Variants in TBCK observed in about 807,000 individuals in gnomAD.
TBCK encodes the protein TBC1 domain containing kinase, also known as TBC domain-containing protein kinase-like protein.
A neutral mutation model predicts 113.4 loss-of-function variants in TBCK; 99 were observed. That is an observed-to-expected ratio of 0.87 (90% CI 0.74 to 1.03). TBCK has a LOEUF of 1.03. TBCK is among the 50% of genes least tolerant of loss of function. The pLI, the probability that TBCK is intolerant of heterozygous loss-of-function variation, is 0.00. For missense variants in TBCK, 1,045 were observed against 1,061.3 expected (o/e 0.98, Z 0.21); for synonymous variants, 369 against 370.8 (o/e 1.00, Z 0.05).
At chr4:106,151,860 T>C (rs1748532651) in intron 23 of TBCK, among the ~76,000 whole-genome samples, 2 of 152,044 alleles carry the variant, frequency 1.3e-5, no homozygotes, top group African/African-American at 4.8e-5. Context: ...TAAGTGGGAT[T>C]ACTTTCCTGG....
intron 24 of TBCK, among the ~76,000 whole-genome samples, chr4:106,108,471 T>G (rs2084418065): frequency 6.6e-6 from 1 of 152,136 alleles, no homozygotes; most frequent in South Asian, 2.1e-4. Context: ...AATCAATAAA[T>G]GTGATTCATT....
intron 10 of TBCK, among the ~76,000 whole-genome samples, chr4:106,246,672 G>A (rs1289955868): frequency 6.6e-6 from 1 of 152,028 alleles, no homozygotes; most frequent in African/African-American, 2.4e-5. Context: ...ACTAATCACA[G>A]GATTGACTAC....
rs147518767 is a variant in TBCK at position 106,054,621 on chromosome 4, T to C, written c.2572-7941A>G. ...GACAGTAGGAACTTAATTTTACTTG[T>C]TACTGTTTCTCCAATGCCTAGAACA... On this transcript the variant is annotated intron_variant, in intron 25 of 25. Transcript: ENST00000394708. Among the ~76,000 whole-genome samples the C allele has an allele frequency of 3.3e-5, 5 of 151,888 alleles. No homozygotes were observed. In the East Asian group the frequency reaches 9.7e-4, roughly 29 times the overall value.
intron 25 of TBCK, among the ~76,000 whole-genome samples, chr4:106,055,110 G>C (rs1316501540): frequency 2.6e-5 from 4 of 151,622 alleles, no homozygotes; most frequent in Non-Finnish European, 5.9e-5. Flanking sequence ...GAAGTAGATA[G>C]AAGAGTTTAG....
At chr4:106,245,175 C>G (rs1760658030) in intron 10 of TBCK, among the ~76,000 whole-genome samples, 1 of 152,098 alleles carries the variant, frequency 6.6e-6, no homozygotes, top group Non-Finnish European at 1.5e-5. Context: ...TTAAAAACTC[C>G]AGAGGGAACC....
chr4:106,262,138 T>C lies in TBCK; in HGVS notation c.341A>G (p.His114Arg). 1 of 1,547,536 alleles carries C rather than the reference T, an allele frequency of 6.5e-7. No homozygotes were observed. The highest frequency in any genetic ancestry group is 1.2e-5 in the South Asian group (1 of 83,614). ...LQYMNKHGIV[H>R]RALSPHNILL... ...GATATTATGAGGAGACAATGCCCTGTGTACTATACCATGTTTGTTCATATA... is the reference window on the plus strand; with the variant it reads ...GATATTATGAGGAGACAATGCCCTGCGTACTATACCATGTTTGTTCATATA... Residue 114 changes from histidine to arginine, a missense_variant, in exon 4 of 26, where the codon CAC becomes CGC. His to Arg is a conservative substitution (Grantham distance 29). Coordinates refer to ENST00000394708, the MANE Select transcript of TBCK (RefSeq NM_001163435.3).
chr4:106,235,210 C>G (rs1759308448), intron 15 of TBCK, 59 bp downstream of exon 15: 5 of 1,101,012 alleles, frequency 4.5e-6, no homozygotes, highest in Non-Finnish European at 6.4e-6. Context: ...AAAGCACTCT[C>G]CTTCTCCATC....
At chr4:106,295,213 T>G in intron 2 of TBCK, 47 bp from the exon 3 acceptor site, 3 of 1,555,706 alleles carry the variant, frequency 1.9e-6, no homozygotes, top group Non-Finnish European at 2.6e-6. Flanking sequence ...CAATACAACA[T>G]GTTAAAAACA....
chr4:106,064,037 C>T (rs571280696), intron 25 of TBCK, among the ~76,000 whole-genome samples: 1 of 151,896 alleles, frequency 6.6e-6, no homozygotes, highest in Non-Finnish European at 1.5e-5. Context: ...GTTAAGGAAT[C>T]CAGGAAGTAA....
chr4:106,208,887 C>T lies in TBCK; in HGVS notation c.1860+3863G>A, dbSNP rs149453658. 7.7e-4 allele frequency among the ~76,000 whole-genome samples: 118 copies of T among 152,292 alleles called. 1 individual carries two copies. In the East Asian group the frequency reaches 0.02, roughly 25 times the overall value. ...GCCCACCTCTGTTCAAGTGTCACAG[C>T]ATTCCCCTCATCCAGACGCCGGCTC... On this transcript the variant is annotated intron_variant, in intron 20 of 25. Transcript: ENST00000394708.
intron 17 of TBCK, 87 bp downstream of exon 17, chr4:106,232,851 A>G (rs1759018415): frequency 7.7e-7 from 1 of 1,294,670 alleles, no homozygotes; most frequent in South Asian, 1.5e-5. Flanking sequence ...AAAGACAAGG[A>G]TGTTTAGATA....
intron 8 of TBCK, among the ~76,000 whole-genome samples, chr4:106,248,693 G>A (rs1433117112): frequency 6.6e-6 from 1 of 152,164 alleles, no homozygotes; most frequent in South Asian, 2.1e-4. Flanking sequence ...ATAAAGGTGA[G>A]ACCTCACATA....
chr4:106,313,258 CCTGGT>C (rs1768384359), intron 1 of TBCK, among the ~76,000 whole-genome samples: 1 of 151,954 alleles, frequency 6.6e-6, no homozygotes, highest in Non-Finnish European at 1.5e-5. Context: ...CAGAAGAGAG[CCTGGT>C]GCAGTGGCTT....
intron 23 of TBCK, among the ~76,000 whole-genome samples, chr4:106,118,531 A>G (rs941936492): frequency 1.3e-5 from 2 of 152,226 alleles, no homozygotes; most frequent in Non-Finnish European, 2.9e-5. Context: ...AGCAAGCCAT[A>G]CAATCAATGC....
chr4:106,248,716 C>T (rs1172437157), intron 8 of TBCK, among the ~76,000 whole-genome samples: 2 of 152,204 alleles, frequency 1.3e-5, no homozygotes, highest in African/African-American at 4.8e-5. Flanking sequence ...AATTGCCTAG[C>T]TTGCCCTTCT....
chr4:106,132,506 C>T (rs1259513857), intron 23 of TBCK, among the ~76,000 whole-genome samples: 1 of 152,216 alleles, frequency 6.6e-6, no homozygotes, highest in Admixed American at 6.5e-5. Context: ...GACACCTGGA[C>T]GTCCATGCAA....
intron 23 of TBCK, among the ~76,000 whole-genome samples, chr4:106,165,121 CA>C (rs1351538434): frequency 6.6e-6 from 1 of 151,506 alleles, no homozygotes; most frequent in Non-Finnish European, 1.5e-5. Context: ...TAAAATTTAA[CA>C]AAGAAATAGA....
intron 22 of TBCK, 117 bp downstream of exon 22, chr4:106,193,492 G>A (rs1421497258): frequency 4.0e-6 from 4 of 1,003,198 alleles, no homozygotes; most frequent in South Asian, 3.1e-5. Context: ...AGGATGATGA[G>A]GCCCAAACAG....
At chr4:106,057,573 C>T (rs182443484) in intron 25 of TBCK, among the ~76,000 whole-genome samples, 3 of 151,706 alleles carry the variant, frequency 2.0e-5, no homozygotes, top group Admixed American at 2.0e-4. Flanking sequence ...TCAAAGAAGC[C>T]CTGTGCTTTC....
Sources: allele counts gnomAD v4.1 joint callset (sites outside exome capture counted in the v4.1 genomes callset), GRCh38; gene constraint gnomAD v4.1.1; transcripts MANE v1.5; gene names NCBI Gene and HGNC (gene_info 2026-07-23, HGNC 2026-07-21).